MCF2L2: variants seen among roughly 807,000 people sequenced by gnomAD.
MCF2L2 encodes the protein probable guanine nucleotide exchange factor MCF2L2.
A neutral mutation model predicts 150.2 loss-of-function variants in MCF2L2; 102 were observed. The ratio of observed to expected loss-of-function variants is 0.68; its 90% CI spans 0.58 to 0.80. The LOEUF (loss-of-function observed/expected upper bound fraction) is 0.80. Among genes scored for constraint, MCF2L2 ranks in the 30% least tolerant of loss-of-function variants. MCF2L2 has a pLI of 0.00. For missense variants in MCF2L2, 1,256 were observed against 1,372.8 expected (o/e 0.91, Z 1.34); for synonymous variants, 465 against 491.3 (o/e 0.95, Z 0.71).
chr3:183,293,868 TA>T (rs563434229), intron 13 of MCF2L2, among the ~76,000 whole-genome samples: 159 of 152,180 alleles, frequency 1.0e-3, no homozygotes, highest in African/African-American at 3.7e-3. Context: ...ATTATAGGGT[TA>T]AAAAAATGTT....
intron 3 of MCF2L2, chr3:183,375,429 G>A (rs938788373): frequency 1.3e-5 from 2 of 151,812 alleles, no homozygotes; most frequent in African/African-American, 2.4e-5. Context: ...TTTTCCTGTC[G>A]AAGTGACTTT....
intron 23 of MCF2L2, 30 bp downstream of exon 23, chr3:183,207,578 G>T: frequency 6.6e-7 from 1 of 1,505,436 alleles, no homozygotes; most frequent in Non-Finnish European, 9.2e-7. Flanking sequence ...TGCATAGGGC[G>T]ACTCCCAGAT....
intron 3 of MCF2L2, among the ~76,000 whole-genome samples, chr3:183,346,884 A>C (rs1056259745): frequency 6.1e-4 from 93 of 152,330 alleles, no homozygotes; most frequent in African/African-American, 2.2e-3. Flanking sequence ...AGAACTACAA[A>C]TCACTGCTCA....
intron 22 of MCF2L2, among the ~76,000 whole-genome samples, chr3:183,210,649 A>T (rs1576924909): frequency 6.6e-6 from 1 of 152,146 alleles, no homozygotes; most frequent in South Asian, 2.1e-4. Context: ...ATGATAGGGG[A>T]AGGGGGAATA....
chr3:183,401,029 G>A (rs764876048), intron 1 of MCF2L2, among the ~76,000 whole-genome samples: 1 of 152,098 alleles, frequency 6.6e-6, no homozygotes, highest in African/African-American at 2.4e-5. Context: ...TCCTGAGACA[G>A]GATGTAGAGC....
At chr3:183,313,290 G>A (rs1017690687) in intron 7 of MCF2L2, among the ~76,000 whole-genome samples, 5 of 151,504 alleles carry the variant, frequency 3.3e-5, no homozygotes, top group African/African-American at 1.2e-4. Flanking sequence ...GGGAAGAAAG[G>A]TGGAGAGGCT....
At chr3:183,422,306 T>A (rs1245264549) in intron 1 of MCF2L2, among the ~76,000 whole-genome samples, 1 of 152,150 alleles carries the variant, frequency 6.6e-6, no homozygotes, top group East Asian at 1.9e-4. Flanking sequence ...CCACACTCAG[T>A]TTTAGCTAAA....
intron 15 of MCF2L2, among the ~76,000 whole-genome samples, chr3:183,261,961 TAAAA>T (rs59219335): frequency 8.9e-6 from 1 of 112,118 alleles, no homozygotes; most frequent in Non-Finnish European, 1.8e-5. Flanking sequence ...TGTCCAGCAT[TAAAA>T]AAAAAAAAAA....
At chr3:183,309,552 G>A (rs896531688) in intron 10 of MCF2L2, among the ~76,000 whole-genome samples, 164 bp downstream of exon 10, 6 of 152,136 alleles carry the variant, frequency 3.9e-5, no homozygotes, top group Non-Finnish European at 4.4e-5. Context: ...ATTATTCATA[G>A]CAGTTGTTAA....
intron 1 of MCF2L2, among the ~76,000 whole-genome samples, chr3:183,399,711 C>T (rs1052490539): frequency 7.9e-5 from 12 of 152,236 alleles, no homozygotes; most frequent in African/African-American, 2.9e-4. Context: ...ATTTCATAAT[C>T]TGGATTCTTA....
chr3:183,331,936 G>A (rs867702726), intron 5 of MCF2L2, among the ~76,000 whole-genome samples: 10 of 152,120 alleles, frequency 6.6e-5, no homozygotes, highest in Non-Finnish European at 7.4e-5. Flanking sequence ...GTAGAGGGAG[G>A]CTGTCACTTG....
chr3:183,325,023 A>C (rs911873678), intron 5 of MCF2L2, among the ~76,000 whole-genome samples: 1 of 136,512 alleles, frequency 7.3e-6, no homozygotes, highest in Admixed American at 7.1e-5. Context: ...TCACAAGGAC[A>C]AAAAACCAAA....
At chr3:183,366,575 G>C (rs1194276836) in intron 3 of MCF2L2, among the ~76,000 whole-genome samples, 3 of 152,188 alleles carry the variant, frequency 2.0e-5, no homozygotes, top group Admixed American at 2.0e-4. Context: ...AACCCAGCGG[G>C]GCAAAGGCTG....
chr3:183,327,090 G>A (rs998943415), intron 5 of MCF2L2, among the ~76,000 whole-genome samples: 2 of 152,132 alleles, frequency 1.3e-5, no homozygotes, highest in African/African-American at 2.4e-5. Context: ...ACTTTGGGGG[G>A]CCGAGGCAGG....
At chr3:183,220,678 G>A (rs1723116402) in intron 20 of MCF2L2, among the ~76,000 whole-genome samples, 1 of 152,122 alleles carries the variant, frequency 6.6e-6, no homozygotes, top group African/African-American at 2.4e-5. Context: ...TAGCCTACAA[G>A]GGGTAGTACC....
chr3:183,250,609 G>A (rs77888394), intron 15 of MCF2L2, among the ~76,000 whole-genome samples: 43 of 150,448 alleles, frequency 2.9e-4, no homozygotes, highest in African/African-American at 1.1e-3. Flanking sequence ...AAAAAAAAAA[G>A]AAAGAAATGT....
At chr3:183,341,742 A>T (rs1730705494) in intron 3 of MCF2L2, 112 bp from the exon 4 acceptor site, 1 of 723,656 alleles carries the variant, frequency 1.4e-6, no homozygotes, top group African/African-American at 2.2e-5. Flanking sequence ...CTCACCGTGT[A>T]AACACCCTGC....
At chr3:183,385,280 T>C (rs147237267) in intron 2 of MCF2L2, among the ~76,000 whole-genome samples, 3 of 152,350 alleles carry the variant, frequency 2.0e-5, no homozygotes, top group African/African-American at 7.2e-5. Context: ...TATTAAACAG[T>C]CCTGCTCTAG....
chr3:183,185,270 C>A (rs1381401820), intron 27 of MCF2L2, among the ~76,000 whole-genome samples: 1 of 152,230 alleles, frequency 6.6e-6, no homozygotes, highest in East Asian at 1.9e-4. Flanking sequence ...TAAAGGATAT[C>A]ATTTTCACTT....
Sources: gnomAD v4.1 joint callset for allele counts (sites outside exome capture counted in the v4.1 genomes callset) on GRCh38, gnomAD v4.1.1 for gene constraint, MANE v1.5 for transcripts, NCBI Gene and HGNC (gene_info 2026-07-23, HGNC 2026-07-21) for gene names.